The following RGPD3 variants were observed in gnomAD, a reference collection of about 807,000 sequenced individuals.
RGPD3 encodes RANBP2 like and GRIP domain containing 3.
In RGPD3, 62 loss-of-function variants were observed where a neutral mutation model predicts 154.5. The observed-to-expected ratio is 0.40, with a 90% confidence interval of 0.33 to 0.50. The LOEUF is 0.50. Ranked by LOEUF, RGPD3 falls within the 20% of genes least tolerant of loss-of-function variation. The pLI, the probability that RGPD3 is intolerant of heterozygous loss-of-function variation, is 0.59. For synonymous variants in RGPD3, 308 were observed against 607.0 expected, an observed-to-expected ratio of 0.51 and a Z score of 7.24; for missense variants, 919 against 1,716.8, an observed-to-expected ratio of 0.54 and a Z score of 8.21.
At position 106,432,425 on chromosome 2, in the gene RGPD3, C is replaced by A. The variant is rs1224790367; in HGVS notation, c.2469+510G>T. ...CCAAGATTGCACCACTGCACTCCAG[C>A]CTGGGCAACAGAGCGAGCCTCTGTC... On this transcript the variant is annotated intron_variant, in intron 17 of 22. Coordinates refer to ENST00000409886, the MANE Select transcript of RGPD3 (RefSeq NM_001144013.2). Among the ~76,000 whole-genome samples, 6 of 145,388 alleles carry A rather than the reference C, an allele frequency of 4.1e-5. 1 individual carries two copies. Among genetic ancestry groups the A allele is most frequent in the Non-Finnish European group, 9.1e-5 (6 of 65,856 alleles).
intron 6 of RGPD3, among the ~76,000 whole-genome samples, chr2:106,451,856 T>G (rs1381469910): frequency 6.6e-6 from 1 of 151,948 alleles, no homozygotes; most frequent in Non-Finnish European, 1.5e-5. Context: ...AGATGAACTT[T>G]AATTTTCACT....
At chr2:106,451,338 C>G (rs1457847807) in intron 6 of RGPD3, among the ~76,000 whole-genome samples, 1 of 151,214 alleles carries the variant, frequency 6.6e-6, no homozygotes, top group African/African-American at 2.4e-5. Context: ...TTACCTACTC[C>G]CTGCACTCAG....
intron 20 of RGPD3, 53 bp from the exon 21 acceptor site, chr2:106,416,042 A>T: frequency 8.2e-6 from 13 of 1,593,138 alleles, no homozygotes; most frequent in Non-Finnish European, 1.1e-5. Flanking sequence ...TTACAGATGA[A>T]GATTCTAAAT....
chr2:106,413,636 A>C (rs998619038), intron 21 of RGPD3, among the ~76,000 whole-genome samples: 2 of 152,240 alleles, frequency 1.3e-5, no homozygotes, highest in Non-Finnish European at 2.9e-5. Context: ...GGTGAAGTAG[A>C]AAGGCAACAA....
chr2:106,464,036 A>C lies in RGPD3; in HGVS notation c.72+4181T>G, dbSNP rs1465908325. 6.5e-4 allele frequency among the ~76,000 whole-genome samples: 99 copies of C among 152,330 alleles called. 1 individual carries two copies. The highest frequency in any genetic ancestry group is 3.4e-3 in the Middle Eastern group (1 of 294). On this transcript the variant is annotated intron_variant, in intron 1 of 22. Transcript: ENST00000409886. The stretch of plus-strand genomic sequence containing the variant: ...TCTGAGGACAGTTTTGGAGGAGCAT[A>C]ATAGCCAGTACAGAATGTCTAAAAT...
chr2:106,426,375 C>A (rs1181089037), intron 18 of RGPD3, among the ~76,000 whole-genome samples: 1 of 151,780 alleles, frequency 6.6e-6, no homozygotes, highest in African/African-American at 2.4e-5. Flanking sequence ...TAACTGTTGC[C>A]TTTTCTAAGA....
At chr2:106,469,277 G>GT (rs1402604507), upstream of RGPD3, among the ~76,000 whole-genome samples, 1 of 145,478 alleles carries the variant, frequency 6.9e-6, no homozygotes, top group Non-Finnish European at 1.5e-5. Flanking sequence ...CAGCCAATGT[G>GT]TTAGACTATC....
In RGPD3 at chr2:106,424,284, G is replaced by A. The variant is rs938928799; in HGVS notation, c.3683C>T (p.Ala1228Val). ...EEENKGSGTGAAGASDTTIKP... is the reference protein window; with the variant it reads ...EEENKGSGTGVAGASDTTIKP... ...TATTGTTGTGTCTGAGGCACCGGCCGCACCTGTACCTGAACCCTTATTTTC... is the reference window on the plus strand; with the variant it reads ...TATTGTTGTGTCTGAGGCACCGGCCACACCTGTACCTGAACCCTTATTTTC... The change falls in exon 20 of 23, where the codon GCG (alanine) becomes GTG (valine). Residue 1228 changes from alanine to valine, a missense_variant. Transcript: ENST00000409886. The A allele has an allele frequency of 5.0e-6, 8 of 1,611,944 alleles. No homozygotes were observed. The highest frequency in any genetic ancestry group is 4.4e-5 in the South Asian group (4 of 90,974).
intron 22 of RGPD3, among the ~76,000 whole-genome samples, chr2:106,410,603 AC>A (rs1479895676): frequency 6.6e-6 from 1 of 152,124 alleles, no homozygotes; most frequent in East Asian, 1.9e-4. Context: ...ACTATTGAAA[AC>A]TTTAATTTTA....
At chr2:106,469,384 T>C (rs1268080193), upstream of RGPD3, among the ~76,000 whole-genome samples, 1 of 152,100 alleles carries the variant, frequency 6.6e-6, no homozygotes, top group Non-Finnish European at 1.5e-5. Context: ...AAGAAATTCT[T>C]CCAAATCACA....
chr2:106,405,691 C>T (rs1365966267), intron 22 of RGPD3, among the ~76,000 whole-genome samples: 1 of 151,670 alleles, frequency 6.6e-6, no homozygotes, highest in Non-Finnish European at 1.5e-5. Flanking sequence ...ATTCTTTAGA[C>T]ACACTGCTTA....
chr2:106,463,124 G>C (rs1413395495), intron 1 of RGPD3, among the ~76,000 whole-genome samples: 1 of 151,782 alleles, frequency 6.6e-6, no homozygotes, highest in Non-Finnish European at 1.5e-5. Context: ...CCAAGAACAA[G>C]AATCTCATCA....
At chr2:106,409,629 T>G (rs1486619565) in intron 22 of RGPD3, among the ~76,000 whole-genome samples, 1 of 151,972 alleles carries the variant, frequency 6.6e-6, no homozygotes, top group Non-Finnish European at 1.5e-5. Context: ...AGAAGTAGAT[T>G]TCTTCTTTTT....
chr2:106,422,885 A>C (rs142857832), intron 20 of RGPD3, among the ~76,000 whole-genome samples, 158 bp downstream of exon 20: 3 of 152,188 alleles, frequency 2.0e-5, no homozygotes, highest in African/African-American at 7.2e-5. Context: ...AAACCTCACC[A>C]TGAACTTATT....
In RGPD3 at chr2:106,405,208, C is replaced by T. The variant is rs184527804; in HGVS notation, c.*11G>A. 2.5e-4 allele frequency: 404 copies of T among 1,608,640 alleles called. 1 individual carries two copies. The African/African-American group carries it at 4.8e-3, about 19-fold the overall frequency. ...AAGATAGGATGCCCATCCAGAAGAA[C>T]GGGAAGCATTTTATTCCTCACCTTT... On this transcript the variant is annotated 3_prime_UTR_variant, in exon 23 of 23. Coordinates refer to ENST00000409886, the MANE Select transcript of RGPD3 (RefSeq NM_001144013.2).
chr2:106,440,459 T>G (rs879076291), intron 8 of RGPD3, among the ~76,000 whole-genome samples: 1 of 150,722 alleles, frequency 6.6e-6, no homozygotes, highest in Non-Finnish European at 1.5e-5. Flanking sequence ...TGTGACACCA[T>G]GCAAAGGCAC....
intron 22 of RGPD3, among the ~76,000 whole-genome samples, chr2:106,405,543 A>C (rs995433575): frequency 6.6e-6 from 1 of 151,496 alleles, no homozygotes; most frequent in African/African-American, 2.4e-5. Context: ...TGCCTGGGTA[A>C]TTTTTTGTTT....
At chr2:106,464,061 T>A (rs1393479626) in intron 1 of RGPD3, among the ~76,000 whole-genome samples, 1 of 152,170 alleles carries the variant, frequency 6.6e-6, no homozygotes, top group Non-Finnish European at 1.5e-5. Context: ...ATGTCTAAAA[T>A]GGGGCCCGGC....
intron 14 of RGPD3, 79 bp from the exon 15 acceptor site, chr2:106,434,453 T>C: frequency 6.6e-6 from 7 of 1,057,282 alleles, no homozygotes. Flanking sequence ...TGGTGGCTCA[T>C]GCCTGTAATC....
Sources: allele counts gnomAD v4.1 joint callset (sites outside exome capture counted in the v4.1 genomes callset), GRCh38; gene constraint gnomAD v4.1.1; transcripts MANE v1.5; gene names NCBI Gene and HGNC (gene_info 2026-07-23, HGNC 2026-07-21).